The following LINGO2 variants were observed in gnomAD, a reference collection of about 807,000 sequenced individuals.
The protein encoded by LINGO2 is leucine rich repeat and Ig domain containing 2.
LINGO2 carries 14 observed loss-of-function variants against 30.6 expected under a neutral mutation model. The observed-to-expected ratio is 0.46, with a 90% CI of 0.30 to 0.72. The LOEUF (loss-of-function observed/expected upper bound fraction) is 0.72, where lower values mean the gene tolerates loss of function less well. Among genes scored for constraint, LINGO2 ranks in the 30% least tolerant of loss-of-function variants. The probability of loss-of-function intolerance (pLI) is 0.07; values close to 1 mark genes in which losing one functional copy is unlikely to be tolerated. For synonymous variants in LINGO2, 317 were observed against 288.5 expected (o/e 1.10, Z -1.00); for missense variants, 729 against 751.7 (o/e 0.97, Z 0.35).
intron 4 of LINGO2, among the ~76,000 whole-genome samples, chr9:28,228,474 T>A (rs1254353681): frequency 6.6e-6 from 1 of 152,024 alleles, no homozygotes. Context: ...TATAATTCCT[T>A]ACAGGAAAAT....
chr9:28,472,824 G>T (rs1160588169), intron 2 of LINGO2, among the ~76,000 whole-genome samples: 1 of 151,934 alleles, frequency 6.6e-6, no homozygotes, highest in Admixed American at 6.6e-5. Context: ...GCACAAATCT[G>T]ATTCTGTTAT....
At chr9:28,994,406 G>A in the LINGO2 span, among the ~76,000 whole-genome samples, 13 of 152,012 alleles carry the variant, frequency 8.6e-5, no homozygotes. Context: ...ATGCTTATGG[G>A]TAGGAAGAAT....
intron 1 of LINGO2, among the ~76,000 whole-genome samples, chr9:28,565,495 A>AT (rs1369313364): frequency 6.8e-6 from 1 of 146,170 alleles, no homozygotes; most frequent in African/African-American, 2.5e-5. Context: ...AGGAAAAATT[A>AT]TTTTTATTTT....
chr9:28,540,056 G>A (rs545478341), intron 1 of LINGO2, among the ~76,000 whole-genome samples: 2 of 152,232 alleles, frequency 1.3e-5, no homozygotes, highest in Admixed American at 6.6e-5. Flanking sequence ...GTGGTGTGGG[G>A]ATGAGGGAGA....
chr9:28,154,369 A>AAAATATTAT (rs1261567155), intron 4 of LINGO2, among the ~76,000 whole-genome samples: 1 of 152,208 alleles, frequency 6.6e-6, no homozygotes, highest in Non-Finnish European at 1.5e-5. Flanking sequence ...AATTCAATGG[A>AAAATATTAT]AAATATTATA....
intron 3 of LINGO2, among the ~76,000 whole-genome samples, chr9:28,362,727 C>A (rs1307907592): frequency 6.6e-6 from 1 of 152,064 alleles, no homozygotes; most frequent in African/African-American, 2.4e-5. Context: ...GCCTCAGCCT[C>A]CAAAGTGCAG....
the LINGO2 span, among the ~76,000 whole-genome samples, chr9:28,773,319 C>G: frequency 6.8e-6 from 1 of 147,222 alleles, no homozygotes; most frequent in Non-Finnish European, 1.5e-5. Context: ...GAGCTGAGAT[C>G]GTGCCACTGC....
intron 1 of LINGO2, among the ~76,000 whole-genome samples, chr9:28,484,692 A>G (rs1379347151): frequency 6.6e-6 from 1 of 152,088 alleles, no homozygotes; most frequent in African/African-American, 2.4e-5. Flanking sequence ...GAATAACTAA[A>G]TTTATCTGGC....
At chr9:28,238,246 G>GACA (rs200427123) in intron 4 of LINGO2, among the ~76,000 whole-genome samples, 3 of 151,708 alleles carry the variant, frequency 2.0e-5, no homozygotes, top group Non-Finnish European at 4.4e-5. Context: ...GAAAATCAAC[G>GACA]ACAACAACAA....
intron 1 of LINGO2, among the ~76,000 whole-genome samples, chr9:28,496,493 T>C (rs1819634695): frequency 6.6e-6 from 1 of 150,948 alleles, no homozygotes; most frequent in Non-Finnish European, 1.5e-5. Context: ...CCCTGCCTTT[T>C]TGTTTTCCAT....
the LINGO2 span, among the ~76,000 whole-genome samples, chr9:28,896,595 A>C: frequency 6.6e-6 from 1 of 152,076 alleles, no homozygotes; most frequent in Non-Finnish European, 1.5e-5. Flanking sequence ...AAATGCCATA[A>C]AAAAATAAGA....
chr9:28,749,819 TA>T, the LINGO2 span, among the ~76,000 whole-genome samples: 1 of 152,014 alleles, frequency 6.6e-6, no homozygotes, highest in Non-Finnish European at 1.5e-5. Context: ...CCTGATAAAA[TA>T]AAGCTCACAA....
intron 3 of LINGO2, among the ~76,000 whole-genome samples, chr9:28,330,002 T>G (rs1212798373): frequency 5.9e-5 from 9 of 152,134 alleles, no homozygotes; most frequent in African/African-American, 2.2e-4. Context: ...GTTCATCTAT[T>G]GAAGCCATAA....
chr9:28,472,528 T>C (rs896414354), intron 2 of LINGO2, among the ~76,000 whole-genome samples: 1 of 152,088 alleles, frequency 6.6e-6, no homozygotes, highest in Non-Finnish European at 1.5e-5. Context: ...TGTCCTAACG[T>C]TTAAAGAATA....
chr9:28,039,048 G>A (rs1032526463), intron 4 of LINGO2, among the ~76,000 whole-genome samples: 3 of 152,178 alleles, frequency 2.0e-5, no homozygotes, highest in African/African-American at 7.2e-5. Context: ...TTGTCGGGGA[G>A]TAAGGGGGAG....
At chr9:28,811,228 T>C in the LINGO2 span, among the ~76,000 whole-genome samples, 1 of 152,138 alleles carries the variant, frequency 6.6e-6, no homozygotes, top group Non-Finnish European at 1.5e-5. Context: ...CAACAAGTTC[T>C]TCTGACTCCA....
intron 2 of LINGO2, among the ~76,000 whole-genome samples, chr9:28,463,643 T>C (rs761560412): frequency 2.6e-5 from 4 of 152,072 alleles, no homozygotes; most frequent in Admixed American, 6.5e-5. Flanking sequence ...CAGACAAATA[T>C]GTGTGCATGT....
In LINGO2 at chr9:28,559,274, C is replaced by T. The variant is rs186889789; in HGVS notation, c.-364-83249G>A. Among the ~76,000 whole-genome samples the T allele has an allele frequency of 1.5e-3, 224 of 152,176 alleles. 1 individual carries two copies. Among genetic ancestry groups the T allele is most frequent in the Middle Eastern group, 3.4e-3 (1 of 294 alleles). On this transcript the variant is annotated intron_variant, in intron 1 of 5. Transcript: ENST00000379992. Reference sequence around the variant, plus strand: ...TTACAACTGTGGGTCAAAGTCAACACCTTTTGTGTCTTCATCTGAAAATGT... The same window carrying T: ...TTACAACTGTGGGTCAAAGTCAACATCTTTTGTGTCTTCATCTGAAAATGT...
At chr9:28,446,407 C>T (rs916097148) in intron 2 of LINGO2, among the ~76,000 whole-genome samples, 2 of 152,232 alleles carry the variant, frequency 1.3e-5, no homozygotes, top group Admixed American at 6.5e-5. Flanking sequence ...ATACTGCTAA[C>T]AGCACAAATT....
Sources: allele counts gnomAD v4.1 joint callset (sites outside exome capture counted in the v4.1 genomes callset), GRCh38; gene constraint gnomAD v4.1.1; transcripts MANE v1.5; gene names NCBI Gene and HGNC (gene_info 2026-07-23, HGNC 2026-07-21).